The following NT5DC1 variants were observed in gnomAD, a reference collection of about 807,000 sequenced individuals.
NT5DC1 encodes the protein 5'-nucleotidase domain containing 1.
In NT5DC1, 42 loss-of-function variants were observed where a neutral mutation model predicts 59.4. The observed-to-expected ratio is 0.71, with a 90% confidence interval of 0.55 to 0.92. NT5DC1 has a LOEUF of 0.92. Ranked by LOEUF, NT5DC1 falls within the 40% of genes least tolerant of loss-of-function variation. The pLI is 0.00. For missense variants in NT5DC1, 501 were observed against 537.1 expected, an observed-to-expected ratio of 0.93 and a Z score of 0.66; for synonymous variants, 172 against 188.1, an observed-to-expected ratio of 0.91 and a Z score of 0.70.
At chr6:116,239,982 G>A (rs1050569364) in intron 11 of NT5DC1, among the ~76,000 whole-genome samples, 3 of 152,134 alleles carry the variant, frequency 2.0e-5, no homozygotes, top group Non-Finnish European at 4.4e-5. Flanking sequence ...TTTAAAAAAT[G>A]AAATTAAGAA....
At chr6:116,233,977 G>GTT (rs34646243) in intron 8 of NT5DC1, among the ~76,000 whole-genome samples, 24,699 of 109,770 alleles carry the variant, frequency 0.23, 4,239 homozygotes, top group East Asian at 0.3. Context: ...TCTTATAACT[G>GTT]TTTTTTTTTT....
At chr6:116,203,905 A>G (rs1781394501) in intron 6 of NT5DC1, among the ~76,000 whole-genome samples, 2 of 151,964 alleles carry the variant, frequency 1.3e-5, no homozygotes, top group Non-Finnish European at 2.9e-5. Context: ...CTTGATATCT[A>G]TAATTATTAT....
chr6:116,150,293 T>A (rs749751858), intron 6 of NT5DC1, among the ~76,000 whole-genome samples: 1 of 152,022 alleles, frequency 6.6e-6, no homozygotes, highest in Non-Finnish European at 1.5e-5. Flanking sequence ...ACTTTTTAAT[T>A]ATTATTTTTT....
At chr6:116,216,143 ATGACAT>A (rs1781683916) in intron 6 of NT5DC1, among the ~76,000 whole-genome samples, 1 of 152,072 alleles carries the variant, frequency 6.6e-6, no homozygotes, top group African/African-American at 2.4e-5. Flanking sequence ...ATCAACCACA[ATGACAT>A]TTAAGATAAT....
intron 4 of NT5DC1, among the ~76,000 whole-genome samples, chr6:116,111,711 T>C (rs1778879013): frequency 6.6e-6 from 1 of 152,226 alleles, no homozygotes; most frequent in South Asian, 2.1e-4. Flanking sequence ...GTTTGCTTTG[T>C]TATATTTGCT....
intron 6 of NT5DC1, among the ~76,000 whole-genome samples, chr6:116,200,642 A>T (rs994247498): frequency 6.6e-6 from 1 of 152,032 alleles, no homozygotes; most frequent in Non-Finnish European, 1.5e-5. Flanking sequence ...GAGCTCTGGT[A>T]TATAATTCCC....
chr6:116,223,366 A>G (rs1274606764), intron 8 of NT5DC1, among the ~76,000 whole-genome samples: 1 of 152,222 alleles, frequency 6.6e-6, no homozygotes, highest in Non-Finnish European at 1.5e-5. Context: ...CTTAGTTTTT[A>G]GGGCCTAAAT....
chr6:116,200,003 G>GC (rs1248879458), intron 6 of NT5DC1, among the ~76,000 whole-genome samples: 6 of 151,098 alleles, frequency 4.0e-5, no homozygotes, highest in Admixed American at 1.3e-4. Flanking sequence ...GGAAAGTGGG[G>GC]GGGGAAGAGT....
intron 1 of NT5DC1, among the ~76,000 whole-genome samples, chr6:116,101,829 AT>A (rs1285377076): frequency 6.6e-6 from 1 of 152,088 alleles, no homozygotes; most frequent in African/African-American, 2.4e-5. Flanking sequence ...AAGTTACCAG[AT>A]TTTTTTAGTC....
chr6:116,210,227 T>G (rs1781547486), intron 6 of NT5DC1, among the ~76,000 whole-genome samples: 1 of 152,024 alleles, frequency 6.6e-6, no homozygotes, highest in Non-Finnish European at 1.5e-5. Context: ...CTTTCCACAT[T>G]GCAAGATTTT....
At chr6:116,243,332 T>A (rs1406746660) in intron 11 of NT5DC1, among the ~76,000 whole-genome samples, 2 of 152,224 alleles carry the variant, frequency 1.3e-5, no homozygotes, top group African/African-American at 4.8e-5. Context: ...TAAGCTTTCA[T>A]ATTTTTGTAT....
chr6:116,121,694 G>C lies in NT5DC1; in HGVS notation c.529+3749G>C, dbSNP rs372909130. ...CGGTCCAGGGATTCCAGGTGGTCCT[G>C]GTGGGCCCCGGGGTCCTGGTAGGCC... On this transcript the variant is annotated intron_variant, in intron 6 of 11. Transcript: ENST00000319550. The C allele has an allele frequency of 3.7e-6, 6 of 1,613,712 alleles. No homozygotes were observed. In the African/African-American group the frequency reaches 8.0e-5, roughly 22 times the overall value.
intron 11 of NT5DC1, among the ~76,000 whole-genome samples, chr6:116,241,919 T>A: frequency 3.5e-5 from 2 of 57,360 alleles, no homozygotes; most frequent in African/African-American, 7.7e-5. Context: ...CAAGACTCCG[T>A]CTCAAAAAAA....
intron 6 of NT5DC1, among the ~76,000 whole-genome samples, chr6:116,126,829 T>A (rs1017553443): frequency 6.6e-6 from 1 of 152,040 alleles, no homozygotes; most frequent in African/African-American, 2.4e-5. Flanking sequence ...GAGAAAAAAA[T>A]TTTCAAACTT....
intron 6 of NT5DC1, among the ~76,000 whole-genome samples, chr6:116,198,744 T>A (rs1159462147): frequency 1.3e-5 from 2 of 151,574 alleles, no homozygotes; most frequent in African/African-American, 4.8e-5. Context: ...AATATTTTTT[T>A]AAAAAAAGGA....
chr6:116,243,435 A>C (rs900391400), intron 11 of NT5DC1, among the ~76,000 whole-genome samples: 7 of 151,674 alleles, frequency 4.6e-5, no homozygotes, highest in Non-Finnish European at 8.8e-5. Flanking sequence ...ACATTATTAT[A>C]AATTGCATAG....
chr6:116,230,847 G>A (rs968008248), intron 8 of NT5DC1, among the ~76,000 whole-genome samples: 1 of 152,116 alleles, frequency 6.6e-6, no homozygotes, highest in Admixed American at 6.6e-5. Flanking sequence ...CTGTCTGCAG[G>A]AATCTTTCTG....
chr6:116,228,079 G>A (rs1781944225), intron 8 of NT5DC1, among the ~76,000 whole-genome samples: 1 of 152,188 alleles, frequency 6.6e-6, no homozygotes, highest in African/African-American at 2.4e-5. Context: ...CTCTTCTGTG[G>A]TTTTAGAGAT....
At chr6:116,232,338 T>C (rs952978445) in intron 8 of NT5DC1, among the ~76,000 whole-genome samples, 8 of 152,182 alleles carry the variant, frequency 5.3e-5, no homozygotes, top group Non-Finnish European at 1.0e-4. Flanking sequence ...TCAAATTGTA[T>C]GCTTTAAATA....
Sources: gnomAD v4.1 joint callset for allele counts (sites outside exome capture counted in the v4.1 genomes callset) on GRCh38, gnomAD v4.1.1 for gene constraint, MANE v1.5 for transcripts, NCBI Gene and HGNC (gene_info 2026-07-23, HGNC 2026-07-21) for gene names.